The following PHF21A variants were observed in gnomAD, a reference collection of about 807,000 sequenced individuals.
PHF21A encodes the protein BHC80a.
Under a neutral mutation model 82.5 loss-of-function variants are expected in PHF21A, and 11 were observed. The ratio of observed to expected loss-of-function variants is 0.13; its 90% confidence interval spans 0.08 to 0.22. The LOEUF is 0.22. Among genes scored for constraint, PHF21A ranks in the 10% least tolerant of loss-of-function variants. The pLI, the probability that PHF21A is intolerant of heterozygous loss-of-function variation, is 1.00. For synonymous variants in PHF21A, 297 were observed against 302.8 expected (o/e 0.98, Z 0.20); for missense variants, 579 against 837.8 (o/e 0.69, Z 3.81).
chr11:46,006,584 C>CTA (rs1349649041), intron 6 of PHF21A, among the ~76,000 whole-genome samples: 1 of 152,232 alleles, frequency 6.6e-6, no homozygotes, highest in Non-Finnish European at 1.5e-5. Flanking sequence ...TCTGCCTGAG[C>CTA]TAGAGGATGA....
chr11:46,040,155 A>G, intron 6 of PHF21A, among the ~76,000 whole-genome samples: 1 of 152,226 alleles, frequency 6.6e-6, no homozygotes, highest in East Asian at 1.9e-4. Flanking sequence ...CTCTGGCAGT[A>G]ATCCCAAGTG....
At chr11:46,008,971 CTTTTT>C (rs368337006) in intron 6 of PHF21A, among the ~76,000 whole-genome samples, 1 of 111,580 alleles carries the variant, frequency 9.0e-6, no homozygotes, top group Non-Finnish European at 1.8e-5. Context: ...TCACATTTCA[CTTTTT>C]TTTTTTTTTT....
At chr11:46,034,366 T>G (rs2095942080) in intron 6 of PHF21A, among the ~76,000 whole-genome samples, 1 of 152,184 alleles carries the variant, frequency 6.6e-6, no homozygotes, top group Non-Finnish European at 1.5e-5. Flanking sequence ...TTTTTGCAAT[T>G]TTGCTTTTAC....
intron 7 of PHF21A, among the ~76,000 whole-genome samples, chr11:45,979,040 G>A (rs1406133016): frequency 2.7e-5 from 4 of 149,704 alleles, no homozygotes; most frequent in East Asian, 2.0e-4. Context: ...TTTTTGAGAC[G>A]GAGTTTTGCT....
chr11:46,064,587 CTAGT>C (rs2096573016), intron 6 of PHF21A, among the ~76,000 whole-genome samples: 1 of 152,124 alleles, frequency 6.6e-6, no homozygotes. Context: ...TAAAAAGATA[CTAGT>C]TAAAGAGTAA....
intron 14 of PHF21A, chr11:45,946,238 GA>G: frequency 1.1e-6 from 1 of 892,246 alleles, no homozygotes; most frequent in Non-Finnish European, 1.8e-6. Context: ...GAGCTCTGGA[GA>G]ATGACAGAAG....
chr11:46,100,572 GT>G (rs1470436840), intron 1 of PHF21A, among the ~76,000 whole-genome samples: 2 of 152,130 alleles, frequency 1.3e-5, no homozygotes, highest in East Asian at 3.8e-4. Context: ...TAAAGGTCCT[GT>G]TAAGTAAGTA....
intron 11 of PHF21A, among the ~76,000 whole-genome samples, chr11:45,950,833 T>C (rs2092007943): frequency 6.6e-6 from 1 of 152,220 alleles, no homozygotes; most frequent in African/African-American, 2.4e-5. Context: ...CTCCAAATCC[T>C]GAGTGTTTCA....
At chr11:46,040,134 T>C (rs555095646) in intron 6 of PHF21A, among the ~76,000 whole-genome samples, 5 of 152,358 alleles carry the variant, frequency 3.3e-5, no homozygotes, top group African/African-American at 1.2e-4. Context: ...ATGTGGTTTC[T>C]TCTGAACAAC....
chr11:45,991,390 T>A (rs1297194821), intron 6 of PHF21A, among the ~76,000 whole-genome samples: 1 of 152,134 alleles, frequency 6.6e-6, no homozygotes, highest in Non-Finnish European at 1.5e-5. Flanking sequence ...CTCTGAGTAA[T>A]TAAGTGACTA....
chr11:46,086,982 T>C (rs1314950848), intron 3 of PHF21A, among the ~76,000 whole-genome samples: 1 of 152,106 alleles, frequency 6.6e-6, no homozygotes, highest in Admixed American at 6.5e-5. Context: ...GACACAGAAA[T>C]ATAACTAAGA....
intron 6 of PHF21A, among the ~76,000 whole-genome samples, chr11:45,996,836 T>C (rs992989166): frequency 6.6e-6 from 1 of 152,250 alleles, no homozygotes; most frequent in African/African-American, 2.4e-5. Context: ...TTTCTGAGTA[T>C]ATCCCTAACC....
chr11:46,016,932 G>C (rs2137635839), intron 6 of PHF21A, among the ~76,000 whole-genome samples: 1 of 151,540 alleles, frequency 6.6e-6, no homozygotes, highest in South Asian at 2.1e-4. Context: ...ATGTGATGAA[G>C]TCACAAGGTA....
intron 9 of PHF21A, among the ~76,000 whole-genome samples, chr11:45,967,490 C>A (rs767700629): frequency 2.0e-5 from 3 of 152,122 alleles, no homozygotes; most frequent in Admixed American, 6.6e-5. Flanking sequence ...TTGTGGGGAC[C>A]TTGAAGCCAT....
At chr11:46,095,544 T>G (rs543390817) in intron 1 of PHF21A, among the ~76,000 whole-genome samples, 2 of 152,288 alleles carry the variant, frequency 1.3e-5, no homozygotes, top group East Asian at 3.9e-4. Flanking sequence ...TACAATTTTT[T>G]GCAAACGGAA....
At chr11:46,096,739 A>G (rs1226638294) in intron 1 of PHF21A, among the ~76,000 whole-genome samples, 1 of 141,208 alleles carries the variant, frequency 7.1e-6, no homozygotes, top group African/African-American at 2.6e-5. Flanking sequence ...ACACAGTCTC[A>G]TGGCTATAGA....
At chr11:46,042,665 T>C (rs2096174304) in intron 6 of PHF21A, among the ~76,000 whole-genome samples, 2 of 152,012 alleles carry the variant, frequency 1.3e-5, no homozygotes, top group Admixed American at 1.3e-4. Flanking sequence ...AGTGCAACTG[T>C]ATTATGAGGT....
At chr11:46,053,164 G>A (rs2096396173) in intron 6 of PHF21A, among the ~76,000 whole-genome samples, 1 of 152,108 alleles carries the variant, frequency 6.6e-6, no homozygotes. Context: ...TTGATTTAGT[G>A]TCCTGATAAA....
At chr11:46,063,499 G>C (rs373476834) in intron 6 of PHF21A, among the ~76,000 whole-genome samples, 1 of 152,194 alleles carries the variant, frequency 6.6e-6, no homozygotes, top group East Asian at 1.9e-4. Flanking sequence ...GAGTGTGATT[G>C]TGTTCTAATA....
Sources: allele counts gnomAD v4.1 joint callset (sites outside exome capture counted in the v4.1 genomes callset), GRCh38; gene constraint gnomAD v4.1.1; transcripts MANE v1.5; gene names NCBI Gene and HGNC (gene_info 2026-07-23, HGNC 2026-07-21).